CNTNAP3B: variants seen among roughly 807,000 people sequenced by gnomAD.
CNTNAP3B encodes contactin associated protein family member 3B.
A neutral mutation model predicts 108.9 loss-of-function variants in CNTNAP3B; 25 were observed. The observed-to-expected ratio is 0.23, with a 90% CI of 0.17 to 0.32. The LOEUF (loss-of-function observed/expected upper bound fraction) is 0.32, where lower values mean the gene tolerates loss of function less well. Among genes scored for constraint, CNTNAP3B ranks in the 10% least tolerant of loss-of-function variants. The pLI is 1.00. For missense variants in CNTNAP3B, 252 were observed against 1,210.4 expected (o/e 0.21, Z 11.75); for synonymous variants, 103 against 473.4 (o/e 0.22, Z 10.16).
At chr9:42,071,679 G>A (rs1256012570) in intron 3 of CNTNAP3B, among the ~76,000 whole-genome samples, 3 of 132,486 alleles carry the variant, frequency 2.3e-5, no homozygotes, top group Non-Finnish European at 4.8e-5. Flanking sequence ...GAGATGGTGG[G>A]CAACTGGGCT....
chr9:41,916,580 T>G (rs1823522989), intron 18 of CNTNAP3B, among the ~76,000 whole-genome samples: 4 of 149,408 alleles, frequency 2.7e-5, no homozygotes, highest in South Asian at 2.1e-4. Flanking sequence ...ATTTTTAGTT[T>G]TTATGAATAC....
rs1193952842 is a variant in CNTNAP3B, at chr9:42,097,016, T to C, written c.196+7613A>G. 1.5e-5 allele frequency among the ~76,000 whole-genome samples: 2 copies of C among 136,264 alleles called. 1 individual carries two copies. 89.4% of individuals were successfully genotyped at this position (136,264 alleles called of 152,430 possible). A position where few individuals can be genotyped will look rare whatever the true frequency, so the allele number is the denominator to read the frequency against. ...ATCCAACCGCCTCAGCCTCCCAAAG[T>C]GCTGGGATTACAGGCGTGAACCACT... On this transcript the variant is annotated intron_variant, in intron 2 of 23. Transcript: ENST00000377561.
chr9:42,075,036 A>G (rs1362609096), intron 3 of CNTNAP3B, among the ~76,000 whole-genome samples: 1 of 145,918 alleles, frequency 6.9e-6, no homozygotes, highest in Non-Finnish European at 1.5e-5. Flanking sequence ...TTCTATGCCC[A>G]TCTCCTAGCT....
intron 3 of CNTNAP3B, among the ~76,000 whole-genome samples, chr9:42,053,905 C>A (rs1801548194): frequency 6.7e-6 from 1 of 149,138 alleles, no homozygotes; most frequent in African/African-American, 2.5e-5. Flanking sequence ...CCAGCACACC[C>A]ACCCAAACCA....
intron 8 of CNTNAP3B, among the ~76,000 whole-genome samples, chr9:41,986,816 A>G: frequency 7.2e-6 from 1 of 138,718 alleles, no homozygotes; most frequent in South Asian, 2.3e-4. Context: ...AGATCACTGG[A>G]TGTCTGGCTT....
intron 8 of CNTNAP3B, among the ~76,000 whole-genome samples, chr9:41,990,432 C>T (rs1825784712): frequency 7.6e-6 from 1 of 131,780 alleles, no homozygotes. Context: ...GAGGTGGACA[C>T]AGATTCTAAC....
At position 42,113,333 on chromosome 9, in the gene CNTNAP3B, ATT is replaced by A. The variant is rs1014700384; in HGVS notation, c.86-8596_86-8595del. The stretch of plus-strand genomic sequence containing the variant: ...AGATGATCTTGTTCTCTTTCCTTTT[ATT>A]TCTAAATTTCTTGCTATGTAGTTAA... On this transcript the variant is annotated intron_variant, in intron 1 of 23. Transcript: ENST00000377561. 9.4e-5 allele frequency among the ~76,000 whole-genome samples: 13 copies of A among 137,898 alleles called. 3 individuals carry two copies. Among genetic ancestry groups the A allele is most frequent in the Admixed American group, 1.5e-4 (2 of 13,792 alleles). The allele number at this position is 137,898 out of a possible 152,430, so 90.5% of individuals were successfully genotyped here.
At chr9:41,934,050 G>A (rs1342382302) in intron 14 of CNTNAP3B, among the ~76,000 whole-genome samples, 580 of 146,356 alleles carry the variant, frequency 4.0e-3, no homozygotes, top group African/African-American at 0.014. Context: ...AAAATGTTAT[G>A]TTAATTATTC....
chr9:41,991,717 A>G lies in CNTNAP3B; in HGVS notation c.1226T>C (p.Phe409Ser), dbSNP rs759467505. 1 of 1,593,422 alleles carries G rather than the reference A, an allele frequency of 6.3e-7. No individual in the cohort carries two copies. Among genetic ancestry groups the G allele is most frequent in the Non-Finnish European group, 8.6e-7 (1 of 1,167,758 alleles). Residue 409 changes from phenylalanine (F) to serine (S), a missense_variant, in exon 8 of 24, where the codon TTC (phenylalanine) becomes TCC (serine). Phe to Ser is a radical substitution (Grantham distance 155). Transcript: ENST00000377561. ...RTWNRAGHLL[F>S]GELQRGSGSF... is the part of the protein sequence containing the mutation. ...CCCTGAACCACGTTGAAGTTCGCCG[A>G]AAAGCAAATGTCCTGCTCTGTTCCA...
At chr9:42,043,090 C>G (rs1376147006) in intron 3 of CNTNAP3B, among the ~76,000 whole-genome samples, 1 of 145,578 alleles carries the variant, frequency 6.9e-6, no homozygotes, top group Non-Finnish European at 1.5e-5. Flanking sequence ...ATTGTCATGA[C>G]AACCATAATC....
chr9:41,893,851 G>A lies in CNTNAP3B; in HGVS notation c.*138C>T. ...GCCAGGTGACAGCACTGCACCTGCT[G>A]TGTGCACCCTGATGGCAACAGCAGG... On this transcript the variant is annotated 3_prime_UTR_variant, in exon 24 of 24. Coordinates refer to ENST00000377561, the MANE Select transcript of CNTNAP3B (RefSeq NM_001201380.3). The A allele has an allele frequency of 1.2e-5, 1 of 85,120 alleles. No individual in the cohort carries two copies. Among genetic ancestry groups the A allele is most frequent in the Admixed American group, 2.7e-4 (1 of 3,722 alleles). 5.3% of individuals were successfully genotyped at this position (85,120 alleles called of 1,614,324 possible).
At chr9:41,959,379 C>A (rs1198013666) in intron 12 of CNTNAP3B, among the ~76,000 whole-genome samples, 20 of 152,258 alleles carry the variant, frequency 1.3e-4, no homozygotes, top group African/African-American at 4.8e-4. Context: ...GAGAAGGTGA[C>A]ATTTTCTAGG....
chr9:42,035,962 G>C (rs1161744760), intron 3 of CNTNAP3B, among the ~76,000 whole-genome samples: 2 of 142,406 alleles, frequency 1.4e-5, no homozygotes, highest in Non-Finnish European at 3.0e-5. Context: ...ATAAAAATTA[G>C]CTGGGCATGG....
At chr9:42,058,210 T>G (rs1224479832) in intron 3 of CNTNAP3B, among the ~76,000 whole-genome samples, 2 of 151,740 alleles carry the variant, frequency 1.3e-5, no homozygotes, top group African/African-American at 2.4e-5. Flanking sequence ...ACTGATTTAA[T>G]TTCCTTTGGA....
intron 13 of CNTNAP3B, among the ~76,000 whole-genome samples, chr9:41,938,786 T>C (rs1270507160): frequency 1.0e-4 from 16 of 152,394 alleles, no homozygotes; most frequent in African/African-American, 3.4e-4. Context: ...AGTTTAATAT[T>C]ATACAAAGAC....
intron 8 of CNTNAP3B, among the ~76,000 whole-genome samples, chr9:41,986,534 A>G (rs201632795): frequency 0.026 from 3,508 of 137,470 alleles, 28 homozygotes; most frequent in East Asian, 0.08. Context: ...GAATCACTGT[A>G]ACAAATTCTG....
chr9:41,923,957 C>A lies in CNTNAP3B; in HGVS notation c.2502G>T (p.Leu834=), dbSNP rs1188060268. 1 of 1,612,118 alleles carries A rather than the reference C, an allele frequency of 6.2e-7. No individual in the cohort carries two copies. Among genetic ancestry groups the A allele is most frequent in the Non-Finnish European group, 8.5e-7 (1 of 1,179,872 alleles). The change falls in exon 16 of 24, where the codon CTG becomes CTT. Residue 834 remains leucine (L), a synonymous_variant. Transcript: ENST00000377561. The part of the protein sequence containing the change: ...TVSSGVFMEN[L]GITDFIRIEL... ...CAATCCTGATGAAGTCTGTGATCCC[C>A]AGGTTCTCCATAAACACCCCAGAGG...
At chr9:42,056,387 G>A in intron 3 of CNTNAP3B, among the ~76,000 whole-genome samples, 1 of 138,362 alleles carries the variant, frequency 7.2e-6, no homozygotes, top group Non-Finnish European at 1.5e-5. Flanking sequence ...GTCTTGCTCT[G>A]TCGCCCAGGC....
intron 3 of CNTNAP3B, among the ~76,000 whole-genome samples, chr9:42,030,860 T>G: frequency 1.9e-5 from 2 of 102,932 alleles, no homozygotes; most frequent in Non-Finnish European, 3.9e-5. Context: ...TGTGCTATGA[T>G]TTAGGGTCTG....
Sources: allele counts gnomAD v4.1 joint callset (sites outside exome capture counted in the v4.1 genomes callset), GRCh38; gene constraint gnomAD v4.1.1; transcripts MANE v1.5; gene names NCBI Gene and HGNC (gene_info 2026-07-23, HGNC 2026-07-21).